The following TCF12 variants were observed in gnomAD, a reference collection of about 807,000 sequenced individuals.
The protein encoded by TCF12 is DNA-binding protein HTF4.
Under a neutral mutation model 86.0 loss-of-function variants are expected in TCF12, and 45 were observed. That is an observed-to-expected ratio of 0.52 (90% CI 0.41 to 0.67). TCF12 has a LOEUF of 0.67. Among genes scored for constraint, TCF12 ranks in the 30% least tolerant of loss-of-function variants. The pLI, the probability that TCF12 is intolerant of heterozygous loss-of-function variation, is 0.00. For missense variants in TCF12, 881 were observed against 859.9 expected, an observed-to-expected ratio of 1.02 and a Z score of -0.31; for synonymous variants, 330 against 299.6, an observed-to-expected ratio of 1.10 and a Z score of -1.05.
intron 6 of TCF12, among the ~76,000 whole-genome samples, chr15:57,183,017 C>T (rs2056450380): frequency 6.6e-6 from 1 of 152,158 alleles, no homozygotes; most frequent in Non-Finnish European, 1.5e-5. Context: ...GATTTCACTA[C>T]TTGTTATCAC....
chr15:57,037,077 T>C (rs2066547826), intron 3 of TCF12, among the ~76,000 whole-genome samples: 1 of 152,176 alleles, frequency 6.6e-6, no homozygotes, highest in African/African-American at 2.4e-5. Context: ...TTTTCTTATG[T>C]TGATTGTTGT....
At chr15:57,244,525 T>C (rs780526961) in intron 13 of TCF12, among the ~76,000 whole-genome samples, 1 of 152,208 alleles carries the variant, frequency 6.6e-6, no homozygotes, top group Non-Finnish European at 1.5e-5. Flanking sequence ...AGTGGCATAA[T>C]CTCGGCTTAC....
chr15:57,163,813 A>C (rs545161653), intron 5 of TCF12, among the ~76,000 whole-genome samples: 1 of 152,330 alleles, frequency 6.6e-6, no homozygotes, highest in East Asian at 1.9e-4. Flanking sequence ...ATGTAATCAA[A>C]ATGGATCAGA....
chr15:57,236,995 T>G (rs1338847427), intron 12 of TCF12, among the ~76,000 whole-genome samples: 1 of 152,160 alleles, frequency 6.6e-6, no homozygotes, highest in African/African-American at 2.4e-5. Flanking sequence ...ATCTGGTTTC[T>G]TTCGGTGCCT....
intron 3 of TCF12, among the ~76,000 whole-genome samples, chr15:56,985,134 G>A: frequency 6.6e-6 from 1 of 152,144 alleles, no homozygotes; most frequent in East Asian, 1.9e-4. Context: ...TATTTCATGA[G>A]AAGATACACT....
intron 6 of TCF12, among the ~76,000 whole-genome samples, chr15:57,170,452 G>A (rs2055230733): frequency 6.7e-6 from 1 of 149,730 alleles, no homozygotes; most frequent in Non-Finnish European, 1.5e-5. Context: ...TTCCACCTAT[G>A]TAGTAGGTCT....
chr15:57,147,689 G>C (rs2053453592), intron 5 of TCF12, among the ~76,000 whole-genome samples: 1 of 152,024 alleles, frequency 6.6e-6, no homozygotes, highest in Non-Finnish European at 1.5e-5. Context: ...AAGGAGTTTT[G>C]GGTTCAGTTA....
At chr15:57,132,770 C>G (rs754753424) in intron 5 of TCF12, among the ~76,000 whole-genome samples, 19 of 152,164 alleles carry the variant, frequency 1.2e-4, no homozygotes, top group Middle Eastern at 6.8e-3. Flanking sequence ...CTAAGTTATC[C>G]AAGATATCCC....
chr15:56,993,813 A>G (rs12904070), intron 3 of TCF12, among the ~76,000 whole-genome samples: 59,721 of 152,094 alleles, frequency 0.39, 14,490 homozygotes, highest in Non-Finnish European at 0.54. Context: ...TTAAACAGGA[A>G]CCAGAGTTTC....
At chr15:57,024,467 G>A (rs1218037555) in intron 3 of TCF12, among the ~76,000 whole-genome samples, 1 of 152,096 alleles carries the variant, frequency 6.6e-6, no homozygotes, top group African/African-American at 2.4e-5. Context: ...GCCTGCCTCA[G>A]CCTCCCAAAG....
At chr15:57,264,105 T>C (rs2060718845) in intron 18 of TCF12, among the ~76,000 whole-genome samples, 1 of 151,824 alleles carries the variant, frequency 6.6e-6, no homozygotes, top group Non-Finnish European at 1.5e-5. Context: ...TAAATTATTT[T>C]TAACTTTCTG....
At chr15:56,940,866 C>G (rs1369805380) in intron 3 of TCF12, among the ~76,000 whole-genome samples, 1 of 150,956 alleles carries the variant, frequency 6.6e-6, no homozygotes, top group Non-Finnish European at 1.5e-5. Flanking sequence ...AGGGATTTGC[C>G]TGCCTCGGCC....
intron 3 of TCF12, among the ~76,000 whole-genome samples, chr15:57,023,175 A>G (rs2065602660): frequency 6.6e-6 from 1 of 152,222 alleles, no homozygotes; most frequent in Non-Finnish European, 1.5e-5. Flanking sequence ...CAAGCAGATT[A>G]TTTGAACAAC....
intron 3 of TCF12, among the ~76,000 whole-genome samples, chr15:56,961,211 C>A (rs549467324): frequency 2.0e-5 from 3 of 151,544 alleles, no homozygotes; most frequent in Non-Finnish European, 4.4e-5. Flanking sequence ...TTGAGCATAA[C>A]GAAGGTGTAT....
chr15:57,207,282 T>A (rs1208866027), intron 8 of TCF12, among the ~76,000 whole-genome samples: 2 of 152,172 alleles, frequency 1.3e-5, no homozygotes, highest in Non-Finnish European at 2.9e-5. Flanking sequence ...CCTAGAAAAT[T>A]CATTTTTTCA....
intron 5 of TCF12, among the ~76,000 whole-genome samples, chr15:57,165,521 T>A (rs1183269804): frequency 1.3e-5 from 2 of 151,860 alleles, no homozygotes; most frequent in Non-Finnish European, 2.9e-5. Flanking sequence ...TGGTTTGAGC[T>A]ATGTCTATAC....
chr15:57,280,395 C>A (rs912252391), intron 19 of TCF12, among the ~76,000 whole-genome samples: 8 of 152,082 alleles, frequency 5.3e-5, no homozygotes, highest in Admixed American at 4.6e-4. Context: ...GGCTCTATGT[C>A]TTTCTAAATA....
chr15:57,263,238 A>T lies in TCF12; in HGVS notation c.1709A>T (p.Gln570Leu), dbSNP rs1382914573. Reference protein sequence around the residue: ...DDMKSDDESSQKDIKVSSRGR... With the variant: ...DDMKSDDESSLKDIKVSSRGR... ...ATGAAGTCAGATGATGAATCCTCCC[A>T]AAAAGATATCAAGGTTTCATCTAGA... Residue 570 changes from glutamine to leucine, a missense_variant, in exon 18 of 21, where the codon CAA becomes CTA. Physicochemically the swap from Gln to Leu is moderately radical, Grantham distance 113 (BLOSUM62 -2). Around this residue, in one of 3 missense-constraint regions of TCF12, gnomAD observed 766 missense variants for 718.9 expected, o/e 1.07. Transcript: ENST00000333725. The T allele has an allele frequency of 5.6e-6, 9 of 1,611,770 alleles. No individual in the cohort carries two copies. Among genetic ancestry groups the T allele is most frequent in the Non-Finnish European group, 5.1e-6 (6 of 1,179,470 alleles).
intron 3 of TCF12, among the ~76,000 whole-genome samples, chr15:57,059,209 C>T (rs2068259502): frequency 6.6e-6 from 1 of 152,148 alleles, no homozygotes; most frequent in South Asian, 2.1e-4. Flanking sequence ...AGGCAGAGTG[C>T]ACATGTGCAC....
Sources: allele counts gnomAD v4.1 joint callset (sites outside exome capture counted in the v4.1 genomes callset), GRCh38; gene constraint gnomAD v4.1.1; regional missense constraint gnomAD v4.1.1; transcripts MANE v1.5; gene names NCBI Gene and HGNC (gene_info 2026-07-23, HGNC 2026-07-21).